MSRA: variants seen among roughly 807,000 people sequenced by gnomAD.
MSRA encodes mitochondrial peptide methionine sulfoxide reductase.
Under a neutral mutation model 31.3 loss-of-function variants are expected in MSRA, and 54 were observed. The observed-to-expected ratio is 1.73, with a 90% confidence interval of 1.39 to 2.17. MSRA has a LOEUF of 2.17. Among genes scored for constraint, MSRA ranks in the 30% most tolerant of loss-of-function variants. The pLI, the probability that MSRA is intolerant of heterozygous loss-of-function variation, is 0.00. For synonymous variants in MSRA, 169 were observed against 116.5 expected (o/e 1.45, Z -2.90); for missense variants, 507 against 300.9 (o/e 1.69, Z -5.07).
intron 5 of MSRA, among the ~76,000 whole-genome samples, chr8:10,338,509 A>G (rs1166360550): frequency 6.6e-6 from 1 of 152,246 alleles, no homozygotes; most frequent in Non-Finnish European, 1.5e-5. Context: ...CCATAAAAAA[A>G]CAATAGGTAA....
intron 1 of MSRA, among the ~76,000 whole-genome samples, chr8:10,181,945 G>A (rs1245720118): frequency 6.6e-6 from 1 of 152,186 alleles, no homozygotes; most frequent in Non-Finnish European, 1.5e-5. Context: ...GGGTGAGCAG[G>A]AGATTAAGTA....
intron 1 of MSRA, among the ~76,000 whole-genome samples, chr8:10,091,507 T>G (rs1218323431): frequency 2.0e-5 from 3 of 152,214 alleles, no homozygotes; most frequent in African/African-American, 7.2e-5. Context: ...CTATTATGAA[T>G]AATGCGGCAG....
chr8:10,351,974 G>A (rs879614023), intron 5 of MSRA, among the ~76,000 whole-genome samples: 10 of 152,338 alleles, frequency 6.6e-5, no homozygotes, highest in East Asian at 1.9e-4. Context: ...GATGAGGATC[G>A]CACTGACTTA....
At chr8:10,203,206 G>A (rs559121186) in intron 1 of MSRA, among the ~76,000 whole-genome samples, 2 of 152,230 alleles carry the variant, frequency 1.3e-5, no homozygotes, top group East Asian at 3.9e-4. Context: ...CAGTATTTCT[G>A]GTCTTTCCAT....
chr8:10,361,388 G>C (rs1006596140), intron 5 of MSRA, among the ~76,000 whole-genome samples: 3 of 152,130 alleles, frequency 2.0e-5, no homozygotes, highest in African/African-American at 7.2e-5. Flanking sequence ...TTGGGACTTA[G>C]GGTTCTAAGT....
chr8:10,301,431 G>T (rs956244516), intron 3 of MSRA, 103 bp from the exon 4 acceptor site: 1 of 805,012 alleles, frequency 1.2e-6, no homozygotes. Flanking sequence ...TCCTTCACAG[G>T]GTAGAGTTTC....
intron 1 of MSRA, among the ~76,000 whole-genome samples, chr8:10,078,488 C>T (rs1798110437): frequency 6.6e-6 from 1 of 152,264 alleles, no homozygotes; most frequent in African/African-American, 2.4e-5. Flanking sequence ...TGCCCTCAGG[C>T]ACCAGTGACC....
At chr8:10,342,346 C>T (rs766178045) in intron 5 of MSRA, among the ~76,000 whole-genome samples, 1 of 152,206 alleles carries the variant, frequency 6.6e-6, no homozygotes, top group Non-Finnish European at 1.5e-5. Context: ...AACACACATT[C>T]ATTCCATCAG....
chr8:10,132,081 T>A (rs1241819484), intron 1 of MSRA, among the ~76,000 whole-genome samples: 2 of 152,050 alleles, frequency 1.3e-5, no homozygotes, highest in Non-Finnish European at 2.9e-5. Context: ...TCAGATAGAG[T>A]GAAATGACTC....
intron 1 of MSRA, among the ~76,000 whole-genome samples, chr8:10,110,574 T>G (rs73664920): frequency 6.6e-6 from 1 of 152,362 alleles, no homozygotes; most frequent in African/African-American, 2.4e-5. Flanking sequence ...CTGTACTTTT[T>G]CACAGACTCT....
intron 5 of MSRA, among the ~76,000 whole-genome samples, chr8:10,321,691 CG>C (rs1802051302): frequency 6.6e-6 from 1 of 152,152 alleles, no homozygotes; most frequent in Non-Finnish European, 1.5e-5. Flanking sequence ...TCTGTTACCG[CG>C]TGAGAGATGG....
At chr8:10,169,917 C>CTTT (rs71538069) in intron 1 of MSRA, among the ~76,000 whole-genome samples, 4,576 of 131,890 alleles carry the variant, frequency 0.035, 272 homozygotes, top group African/African-American at 0.12. Flanking sequence ...TTCTTTCTTT[C>CTTT]TTTTTTTTTT....
chr8:10,288,927 G>C (rs1295942711), intron 3 of MSRA, among the ~76,000 whole-genome samples: 1 of 151,744 alleles, frequency 6.6e-6, no homozygotes, highest in East Asian at 1.9e-4. Flanking sequence ...TGGCAAAAAT[G>C]GTGCAAGCAG....
chr8:10,254,256 C>T (rs931744521), intron 3 of MSRA, among the ~76,000 whole-genome samples: 2 of 152,214 alleles, frequency 1.3e-5, no homozygotes, highest in Non-Finnish European at 2.9e-5. Flanking sequence ...ACCACCTACC[C>T]ACAACGTGTT....
chr8:10,422,471 A>G (rs890385119), intron 5 of MSRA, among the ~76,000 whole-genome samples: 24 of 152,320 alleles, frequency 1.6e-4, no homozygotes, highest in Admixed American at 1.4e-3. Flanking sequence ...TCTGTGAGAA[A>G]AACACAAATG....
intron 5 of MSRA, among the ~76,000 whole-genome samples, chr8:10,400,266 G>A (rs544183190): frequency 6.6e-6 from 1 of 151,920 alleles, no homozygotes; most frequent in African/African-American, 2.4e-5. Context: ...ATGAGGGCCT[G>A]GGTTACAGTG....
intron 2 of MSRA, among the ~76,000 whole-genome samples, chr8:10,230,339 G>C (rs56198596): frequency 0.36 from 54,417 of 152,112 alleles, 9,889 homozygotes; most frequent in East Asian, 0.53. Context: ...ATGGCACTGG[G>C]TGGATGGGCA....
At chr8:10,217,389 C>T (rs1033617104) in intron 2 of MSRA, among the ~76,000 whole-genome samples, 48 of 152,340 alleles carry the variant, frequency 3.2e-4, no homozygotes, top group African/African-American at 1.1e-3. Flanking sequence ...CAGGTGCTAG[C>T]GTGCTTGTCT....
intron 3 of MSRA, among the ~76,000 whole-genome samples, chr8:10,291,180 C>T (rs563043302): frequency 5.9e-5 from 9 of 152,166 alleles, no homozygotes; most frequent in African/African-American, 9.7e-5. Flanking sequence ...TTTTCTTGAT[C>T]CAGTACTGAG....
Sources: gnomAD v4.1 joint callset for allele counts (sites outside exome capture counted in the v4.1 genomes callset) on GRCh38, gnomAD v4.1.1 for gene constraint, MANE v1.5 for transcripts, NCBI Gene and HGNC (gene_info 2026-07-23, HGNC 2026-07-21) for gene names.